The following DIAPH2 variants were observed in gnomAD, a reference collection of about 807,000 sequenced individuals.
DIAPH2 encodes diaphanous related formin 2.
A neutral mutation model predicts 92.7 loss-of-function variants in DIAPH2; 35 were observed. The observed-to-expected ratio is 0.38, with a 90% CI of 0.29 to 0.50. The LOEUF (loss-of-function observed/expected upper bound fraction) is 0.50, where lower values mean the gene tolerates loss of function less well. Ranked by LOEUF, DIAPH2 falls within the 20% of genes least tolerant of loss-of-function variation. The probability of loss-of-function intolerance (pLI) is 0.94; values close to 1 mark genes in which losing one functional copy is unlikely to be tolerated. For synonymous variants in DIAPH2, 301 were observed against 280.4 expected, an observed-to-expected ratio of 1.07 and a Z score of -0.73; for missense variants, 701 against 819.5, an observed-to-expected ratio of 0.86 and a Z score of 1.77.
chrX:97,510,067 C>T (rs1448933363), intron 26 of DIAPH2, among the ~76,000 whole-genome samples: 1 of 110,374 alleles, frequency 9.1e-6, no homozygotes, highest in Admixed American at 9.6e-5. Flanking sequence ...AGTTCTAGAT[C>T]CCTGAGGAAT....
chrX:96,724,891 G>A (rs5949448), intron 1 of DIAPH2, among the ~76,000 whole-genome samples: 6,266 of 111,713 alleles, frequency 0.056, 195 homozygotes, highest in Middle Eastern at 0.16. Flanking sequence ...TTGCTTGTGA[G>A]TTTTCAGGCA....
At chrX:96,974,877 A>T (rs766801179) in intron 17 of DIAPH2, among the ~76,000 whole-genome samples, 1 of 111,607 alleles carries the variant, frequency 9.0e-6, no homozygotes, top group East Asian at 2.8e-4. Flanking sequence ...TGTAGCTTAT[A>T]ACTGCTAATT....
intron 17 of DIAPH2, among the ~76,000 whole-genome samples, chrX:97,045,506 G>GA (rs748062882): frequency 1.8e-5 from 2 of 111,261 alleles, no homozygotes; most frequent in South Asian, 7.6e-4. Flanking sequence ...ATGGAGAAGA[G>GA]AAAAAATTAC....
chrX:97,042,004 TA>T (rs2066451513), intron 17 of DIAPH2, among the ~76,000 whole-genome samples: 1 of 111,653 alleles, frequency 9.0e-6, no homozygotes, highest in African/African-American at 3.2e-5. Flanking sequence ...GAAGCTAGAC[TA>T]TCGGAGTTTA....
At chrX:97,258,728 G>A (rs1295795664) in intron 23 of DIAPH2, among the ~76,000 whole-genome samples, 2 of 102,404 alleles carry the variant, frequency 2.0e-5, no homozygotes, top group Admixed American at 1.1e-4. Context: ...AAAATTAGCC[G>A]GTCGTGGTGG....
intron 22 of DIAPH2, among the ~76,000 whole-genome samples, chrX:97,153,765 A>T (rs2067302742): frequency 9.0e-6 from 1 of 111,533 alleles, no homozygotes; most frequent in Non-Finnish European, 1.9e-5. Flanking sequence ...GGCTCATGTT[A>T]TTTTAAATGA....
intron 5 of DIAPH2, chrX:96,884,302 G>A: frequency 8.3e-7 from 1 of 1,204,324 alleles, no homozygotes; most frequent in East Asian, 3.0e-5. Flanking sequence ...AGCCTGAGCT[G>A]TCTTGAAGAT....
At chrX:96,712,200 C>T (rs1378104652) in intron 1 of DIAPH2, among the ~76,000 whole-genome samples, 1 of 111,050 alleles carries the variant, frequency 9.0e-6, no homozygotes, top group African/African-American at 3.3e-5. Context: ...CTTCATCACG[C>T]CTGCCAACCA....
intron 24 of DIAPH2, among the ~76,000 whole-genome samples, chrX:97,363,901 CA>C (rs1377173425): frequency 9.0e-6 from 1 of 111,156 alleles, no homozygotes; most frequent in African/African-American, 3.3e-5. Context: ...CTTACAAAGA[CA>C]TTTAGTTCAT....
rs140905239 is a variant in DIAPH2, at chrX:97,225,327, G to A, written c.2720-22388G>A. The stretch of plus-strand genomic sequence containing the variant: ...AATTCTAGAAATCAATCTAGAAACT[G>A]GTTTAGAGGGTACCCTTCGTGTATG... On this transcript the variant is annotated intron_variant, in intron 22 of 26. Transcript: ENST00000324765. 2.9e-3 allele frequency among the ~76,000 whole-genome samples: 318 copies of A among 111,342 alleles called. 1 individual carries two copies. Among genetic ancestry groups the A allele is most frequent in the African/African-American group, 9.7e-3 (299 of 30,712 alleles).
intron 23 of DIAPH2, among the ~76,000 whole-genome samples, chrX:97,312,286 A>C (rs1485652567): frequency 9.1e-6 from 1 of 109,296 alleles, no homozygotes; most frequent in Non-Finnish European, 1.9e-5. Context: ...TGCTAGTTTC[A>C]ATGTCAGTTT....
intron 9 of DIAPH2, among the ~76,000 whole-genome samples, chrX:96,919,556 A>C (rs1830932710): frequency 8.9e-6 from 1 of 111,870 alleles, no homozygotes; most frequent in Non-Finnish European, 1.9e-5. Flanking sequence ...TTATCAAGCT[A>C]CTTAGCATCG....
chrX:97,393,604 A>G (rs1326360836), intron 25 of DIAPH2, among the ~76,000 whole-genome samples: 1 of 111,891 alleles, frequency 8.9e-6, no homozygotes, highest in Non-Finnish European at 1.9e-5. Context: ...ATGTTTGGCT[A>G]TATTGATATA....
At chrX:96,786,879 C>T (rs1485506527) in intron 4 of DIAPH2, among the ~76,000 whole-genome samples, 2 of 111,912 alleles carry the variant, frequency 1.8e-5, no homozygotes, top group Non-Finnish European at 3.8e-5. Context: ...ATGTAATAAT[C>T]GAAGCTAGTA....
intron 23 of DIAPH2, among the ~76,000 whole-genome samples, chrX:97,322,003 T>G (rs1418612650): frequency 2.7e-5 from 3 of 112,516 alleles, no homozygotes; most frequent in Non-Finnish European, 3.7e-5. Context: ...GTAGCATAAT[T>G]TGGAAGGACG....
chrX:96,927,601 A>G (rs940443405), intron 9 of DIAPH2, among the ~76,000 whole-genome samples: 5 of 111,443 alleles, frequency 4.5e-5, no homozygotes, highest in African/African-American at 1.6e-4. Flanking sequence ...AGTGAAACTG[A>G]GCAACTGAAT....
At chrX:97,523,138 A>T (rs1284609536) in intron 26 of DIAPH2, among the ~76,000 whole-genome samples, 5 of 111,634 alleles carry the variant, frequency 4.5e-5, no homozygotes, top group African/African-American at 1.6e-4. Context: ...TTTTCTTACG[A>T]GACTTTTGTT....
intron 17 of DIAPH2, among the ~76,000 whole-genome samples, chrX:96,997,995 C>T (rs983206573): frequency 3.6e-5 from 4 of 112,121 alleles, no homozygotes; most frequent in African/African-American, 1.3e-4. Context: ...GCTTTTGTTA[C>T]AAATGCCATT....
intron 25 of DIAPH2, among the ~76,000 whole-genome samples, chrX:97,387,314 TAGTC>T (rs1327215083): frequency 8.9e-6 from 1 of 112,150 alleles, no homozygotes; most frequent in Non-Finnish European, 1.9e-5. Flanking sequence ...AGAGGTGTAT[TAGTC>T]AGAGTTCTTT....
Sources: gnomAD v4.1 joint callset for allele counts (sites outside exome capture counted in the v4.1 genomes callset) on GRCh38, gnomAD v4.1.1 for gene constraint, MANE v1.5 for transcripts, NCBI Gene and HGNC (gene_info 2026-07-23, HGNC 2026-07-21) for gene names.